Variants in DGKB observed in about 807,000 individuals in gnomAD.
DGKB encodes 90 kDa diacylglycerol kinase.
A neutral mutation model predicts 114.3 loss-of-function variants in DGKB; 67 were observed. That is an observed-to-expected ratio of 0.59 (90% confidence interval 0.48 to 0.72). The LOEUF (loss-of-function observed/expected upper bound fraction) is 0.72. DGKB is among the 30% of genes least tolerant of loss of function. The pLI is 0.00. For missense variants in DGKB, 907 were observed against 975.2 expected (o/e 0.93, Z 0.93); for synonymous variants, 398 against 323.1 (o/e 1.23, Z -2.49).
At chr7:14,820,242 C>A (rs140446551) in intron 2 of DGKB, among the ~76,000 whole-genome samples, 256 of 152,028 alleles carry the variant, frequency 1.7e-3, no homozygotes, top group African/African-American at 5.9e-3. Context: ...AATTTAAATT[C>A]ATGTTTTTTA....
intron 21 of DGKB, among the ~76,000 whole-genome samples, chr7:14,407,901 C>T (rs1283578457): frequency 1.3e-5 from 2 of 151,954 alleles, no homozygotes; most frequent in African/African-American, 2.4e-5. Flanking sequence ...AACCATGATC[C>T]TCTCCATGCC....
chr7:14,937,025 TACACACACACACACACAC>T lies in DGKB; in HGVS notation c.-188+37653_-188+37670del, dbSNP rs56176139. Among the ~76,000 whole-genome samples, 148 of 132,350 alleles carry T rather than the reference TACACACACACACACACAC, an allele frequency of 1.1e-3. 3 individuals carry two copies. Among genetic ancestry groups the T allele is most frequent in the Non-Finnish European group, 2.4e-4 (15 of 62,158 alleles). The allele number at this position is 132,350 out of a possible 152,430, so 86.8% of individuals were successfully genotyped here. A position where few individuals can be genotyped will look rare whatever the true frequency, so the allele number is the denominator to read the frequency against. ...TATTGATGTGATTATGTCCATTCACTACACACACACACACACACACACACACACACACACACACACACA... is the reference window on the plus strand; with the variant it reads ...TATTGATGTGATTATGTCCATTCACTACACACACACACACACACACACACA... On this transcript the variant is annotated intron_variant, in intron 1 of 4. Transcript: ENST00000437998.
intron 1 of DGKB, among the ~76,000 whole-genome samples, chr7:14,842,107 T>G (rs1230274184): frequency 6.6e-6 from 1 of 152,256 alleles, no homozygotes; most frequent in Non-Finnish European, 1.5e-5. Flanking sequence ...TCAACATTTT[T>G]ATCAGAGACT....
intron 24 of DGKB, among the ~76,000 whole-genome samples, chr7:14,177,447 T>G (rs529816150): frequency 8.0e-5 from 12 of 150,188 alleles, no homozygotes; most frequent in Non-Finnish European, 1.6e-4. Context: ...TCCCAGATAC[T>G]CGGGAGGATG....
At chr7:14,476,883 T>C (rs1782257712) in intron 21 of DGKB, among the ~76,000 whole-genome samples, 1 of 151,262 alleles carries the variant, frequency 6.6e-6, no homozygotes, top group Admixed American at 6.6e-5. Context: ...GCCTCTTGAG[T>C]AGCTTGGGTT....
At chr7:14,656,006 C>T (rs1488235679) in intron 13 of DGKB, among the ~76,000 whole-genome samples, 1 of 151,420 alleles carries the variant, frequency 6.6e-6, no homozygotes, top group Non-Finnish European at 1.5e-5. Flanking sequence ...TGTGTATGTT[C>T]AAAAAGCTAG....
chr7:14,314,581 A>G (rs1324488720), intron 23 of DGKB, among the ~76,000 whole-genome samples: 2 of 152,106 alleles, frequency 1.3e-5, no homozygotes, highest in Non-Finnish European at 2.9e-5. Flanking sequence ...AAGTTTAGAG[A>G]AAAAAGAATA....
chr7:14,796,967 TTAA>T (rs1336224635), intron 2 of DGKB, among the ~76,000 whole-genome samples: 1 of 152,204 alleles, frequency 6.6e-6, no homozygotes, highest in Non-Finnish European at 1.5e-5. Context: ...TTTTCTTTAA[TTAA>T]TAATGCAAAG....
chr7:14,392,995 G>GTTTTTTTTGTTTTTTTTTTTTTTTTT (rs1821607992), intron 21 of DGKB, among the ~76,000 whole-genome samples: 1 of 60,546 alleles, frequency 1.7e-5, no homozygotes, highest in Non-Finnish European at 3.4e-5. Flanking sequence ...TTTTGTTTTT[G>GTTTTTTTTGTTTTTTTTTTTTTTTTT]TTTTTTTTTT....
chr7:14,333,380 G>A (rs1376973931), intron 23 of DGKB, among the ~76,000 whole-genome samples: 2 of 150,748 alleles, frequency 1.3e-5, no homozygotes, highest in Admixed American at 1.3e-4. Context: ...AGAATGGCGT[G>A]AACCCGGGAG....
chr7:14,729,266 G>A (rs1279590641), intron 5 of DGKB, among the ~76,000 whole-genome samples: 2 of 148,574 alleles, frequency 1.3e-5, no homozygotes, highest in Non-Finnish European at 1.5e-5. Flanking sequence ...GGGACTACAG[G>A]CGCCTGCCAC....
chr7:14,508,986 A>G (rs924127741), intron 20 of DGKB, among the ~76,000 whole-genome samples: 5 of 152,210 alleles, frequency 3.3e-5, no homozygotes, highest in Non-Finnish European at 5.9e-5. Flanking sequence ...GCATGAAGAA[A>G]ACAATTTGCC....
At chr7:14,895,364 G>C (rs1283430420) in intron 1 of DGKB, among the ~76,000 whole-genome samples, 1 of 151,508 alleles carries the variant, frequency 6.6e-6, no homozygotes, top group African/African-American at 2.4e-5. Context: ...CAACAAGACA[G>C]ACCAGGTCTA....
intron 2 of DGKB, among the ~76,000 whole-genome samples, chr7:14,788,132 C>T (rs1840153825): frequency 1.3e-5 from 2 of 152,202 alleles, no homozygotes; most frequent in South Asian, 4.1e-4. Context: ...CCAGACAAAA[C>T]CTTCTTGCTA....
intron 21 of DGKB, among the ~76,000 whole-genome samples, chr7:14,409,843 T>C (rs1824569768): frequency 2.0e-5 from 3 of 151,922 alleles, no homozygotes; most frequent in Non-Finnish European, 2.9e-5. Context: ...GTACTGTAAA[T>C]GTATTTTCTC....
chr7:14,858,681 G>A (rs1044644354), intron 1 of DGKB, among the ~76,000 whole-genome samples: 8 of 152,062 alleles, frequency 5.3e-5, no homozygotes, highest in African/African-American at 1.2e-4. Flanking sequence ...AAGAGATCAA[G>A]GAGTAAAGGA....
intron 23 of DGKB, among the ~76,000 whole-genome samples, chr7:14,224,116 T>A (rs776675874): frequency 6.6e-6 from 1 of 151,906 alleles, no homozygotes; most frequent in African/African-American, 2.4e-5. Context: ...TAAAAAATAT[T>A]TCTCCTGCTT....
intron 2 of DGKB, among the ~76,000 whole-genome samples, 200 bp from the exon 3 acceptor site, chr7:14,757,931 T>A (rs183443302): frequency 6.6e-6 from 1 of 152,214 alleles, no homozygotes; most frequent in Admixed American, 6.5e-5. Flanking sequence ...AAAAGATCAC[T>A]GCATTAAATA....
chr7:14,949,615 C>G (rs1027029415), intron 1 of DGKB, among the ~76,000 whole-genome samples: 21 of 151,802 alleles, frequency 1.4e-4, no homozygotes, highest in African/African-American at 5.1e-4. Context: ...TGAACACTTA[C>G]TAAATTTGAT....
Sources: allele counts gnomAD v4.1 joint callset (sites outside exome capture counted in the v4.1 genomes callset), GRCh38; gene constraint gnomAD v4.1.1; transcripts MANE v1.5; gene names NCBI Gene and HGNC (gene_info 2026-07-23, HGNC 2026-07-21).